UGGT1: variants seen among roughly 807,000 people sequenced by gnomAD.
UGGT1 encodes the protein UDP-glucose:glycoprotein glucosyltransferase 1.
Under a neutral mutation model 203.9 loss-of-function variants are expected in UGGT1, and 107 were observed. The ratio of observed to expected loss-of-function variants is 0.52; its 90% CI spans 0.45 to 0.62. The LOEUF (loss-of-function observed/expected upper bound fraction) is 0.62. Among genes scored for constraint, UGGT1 ranks in the 20% least tolerant of loss-of-function variants. The probability of loss-of-function intolerance (pLI) is 0.00; values close to 1 mark genes in which losing one functional copy is unlikely to be tolerated. For missense variants in UGGT1, 1,673 were observed against 1,867.2 expected (o/e 0.90, Z 1.92); for synonymous variants, 628 against 653.5 (o/e 0.96, Z 0.59).
intron 32 of UGGT1, among the ~76,000 whole-genome samples, chr2:128,177,338 T>A (rs1392004227): frequency 6.6e-6 from 1 of 152,186 alleles, no homozygotes; most frequent in African/African-American, 2.4e-5. Flanking sequence ...GAAGAAAGAA[T>A]CATTACACAC....
chr2:128,174,130 A>G (rs1691252174), intron 30 of UGGT1, among the ~76,000 whole-genome samples, 191 bp downstream of exon 30: 2 of 152,184 alleles, frequency 1.3e-5, no homozygotes, highest in Non-Finnish European at 2.9e-5. Flanking sequence ...AAGAAAAAAC[A>G]TGCTGGAATA....
chr2:128,170,398 C>G lies in UGGT1; in HGVS notation c.3024+8C>G. ...CTTGCTCCTTTGCTCTTGGTAGGAA[C>G]GCTGTGCAGGAAGTGTACATCACCT... is the stretch of plus-strand genomic sequence containing the variant. On this transcript the variant is annotated splice_region_variant and intron_variant, in intron 27 of 40. Coordinates refer to ENST00000259253, the MANE Select transcript of UGGT1 (RefSeq NM_020120.4). 6.2e-7 allele frequency: 1 copy of G among 1,611,680 alleles called. No homozygotes were observed. The highest frequency in any genetic ancestry group is 8.5e-7 in the Non-Finnish European group (1 of 1,177,768).
At chr2:128,138,050 C>T (rs1689216735) in intron 15 of UGGT1, among the ~76,000 whole-genome samples, 1 of 151,814 alleles carries the variant, frequency 6.6e-6, no homozygotes, top group Non-Finnish European at 1.5e-5. Flanking sequence ...TTTCTGTTTA[C>T]TTTGAAAGTG....
chr2:128,187,752 A>G (rs374404558), intron 40 of UGGT1, 138 bp downstream of exon 40: 15 of 972,252 alleles, frequency 1.5e-5, no homozygotes, highest in African/African-American at 3.4e-5. Context: ...CAACCAGTAT[A>G]TATTTTTCAT....
At chr2:128,163,024 A>G in intron 25 of UGGT1, among the ~76,000 whole-genome samples, 1 of 152,170 alleles carries the variant, frequency 6.6e-6, no homozygotes, top group Non-Finnish European at 1.5e-5. Flanking sequence ...GCTATCATTC[A>G]TGACCCAGTC....
intron 32 of UGGT1, among the ~76,000 whole-genome samples, chr2:128,177,604 A>G (rs1457582711): frequency 6.6e-6 from 1 of 152,202 alleles, no homozygotes; most frequent in Non-Finnish European, 1.5e-5. Context: ...AATGGGGTTC[A>G]TCTAATTAAA....
chr2:128,179,693 AG>A, intron 34 of UGGT1, 92 bp from the exon 35 acceptor site: 7 of 1,066,836 alleles, frequency 6.6e-6, no homozygotes, highest in South Asian at 3.0e-5. Flanking sequence ...TCTGCCGTAA[AG>A]AGCATTTAGG....
At chr2:128,132,616 C>T (rs751698857) in intron 13 of UGGT1, among the ~76,000 whole-genome samples, 7 of 152,182 alleles carry the variant, frequency 4.6e-5, no homozygotes, top group Admixed American at 1.3e-4. Flanking sequence ...TCATTCTTGA[C>T]GCTAGTCCTT....
chr2:128,186,004 C>G (rs959429167), intron 38 of UGGT1, among the ~76,000 whole-genome samples: 3 of 152,184 alleles, frequency 2.0e-5, no homozygotes, highest in Non-Finnish European at 4.4e-5. Context: ...AGATTCAGAA[C>G]TTCCTTGACA....
intron 25 of UGGT1, among the ~76,000 whole-genome samples, chr2:128,162,919 C>G (rs756950690): frequency 1.3e-5 from 2 of 152,154 alleles, no homozygotes; most frequent in Non-Finnish European, 2.9e-5. Flanking sequence ...TGCTAAAACT[C>G]TTAGGCTTCC....
chr2:128,142,446 G>A (rs1469123757), intron 16 of UGGT1, among the ~76,000 whole-genome samples: 4 of 151,066 alleles, frequency 2.6e-5, no homozygotes, highest in African/African-American at 4.8e-5. Context: ...TTAGCTGGGC[G>A]TGGAGGCGTG....
intron 25 of UGGT1, among the ~76,000 whole-genome samples, chr2:128,162,238 A>G (rs1233878990): frequency 1.3e-5 from 2 of 149,568 alleles, no homozygotes; most frequent in Non-Finnish European, 3.0e-5. Flanking sequence ...TGTCGTTGAG[A>G]TGTAGCAGTT....
At chr2:128,161,417 T>G (rs1690524314) in intron 25 of UGGT1, 149 bp downstream of exon 25, 3 of 918,828 alleles carry the variant, frequency 3.3e-6, no homozygotes, top group Non-Finnish European at 3.1e-6. Context: ...AATTCCAGTT[T>G]TAATGTATGC....
chr2:128,187,592 G>A lies in UGGT1; in HGVS notation c.4620G>A (p.Lys1540=), dbSNP rs1357836362. ...AAACGGGAGCACTGTACAAAGAGAA[G>A]ACAAAAGAACCAAGCCGAGAAGGTA... is the stretch of plus-strand genomic sequence containing the variant. ...EKETGALYKE[K]TKEPSREGPQ... Residue 1540 remains lysine, a synonymous_variant, in exon 40 of 41, where the codon AAG becomes AAA. Coordinates refer to ENST00000259253, the MANE Select transcript of UGGT1 (RefSeq NM_020120.4). 1 of 1,613,166 alleles carries A rather than the reference G, an allele frequency of 6.2e-7. No individual in the cohort carries two copies. The highest frequency in any genetic ancestry group is 1.1e-5 in the South Asian group (1 of 90,966).
intron 22 of UGGT1, among the ~76,000 whole-genome samples, 168 bp from the exon 23 acceptor site, chr2:128,159,346 G>T (rs1690405356): frequency 6.6e-6 from 1 of 151,952 alleles, no homozygotes; most frequent in African/African-American, 2.4e-5. Context: ...TGGTCCGCCC[G>T]CTTTGGCTTT....
chr2:128,096,822 C>T (rs1041494981), intron 1 of UGGT1, among the ~76,000 whole-genome samples: 15 of 152,234 alleles, frequency 9.9e-5, no homozygotes, highest in African/African-American at 3.6e-4. Context: ...TGTGTGCAAC[C>T]TGGTGTGCCA....
At chr2:128,131,674 C>T (rs1161953095) in intron 13 of UGGT1, among the ~76,000 whole-genome samples, 1 of 152,152 alleles carries the variant, frequency 6.6e-6, no homozygotes, top group African/African-American at 2.4e-5. Context: ...TCTTGCCAGG[C>T]TGAAGTGCAG....
intron 40 of UGGT1, among the ~76,000 whole-genome samples, chr2:128,188,498 A>G (rs1467837565): frequency 6.6e-6 from 1 of 152,254 alleles, no homozygotes; most frequent in Non-Finnish European, 1.5e-5. Context: ...TTTTTAAAAT[A>G]TTAATAAGTT....
chr2:128,169,835 C>T (rs983279156), intron 26 of UGGT1, among the ~76,000 whole-genome samples: 1 of 152,196 alleles, frequency 6.6e-6, no homozygotes, highest in Admixed American at 6.5e-5. Context: ...GAAAGGATTA[C>T]GTAGAGATGC....
Sources: allele counts gnomAD v4.1 joint callset (sites outside exome capture counted in the v4.1 genomes callset), GRCh38; gene constraint gnomAD v4.1.1; transcripts MANE v1.5; gene names NCBI Gene and HGNC (gene_info 2026-07-23, HGNC 2026-07-21).